The following METTL21A variants were observed in gnomAD, a reference collection of about 807,000 sequenced individuals.
METTL21A encodes the protein methyltransferase 21A, HSPA lysine, also known as protein N-lysine methyltransferase METTL21A.
METTL21A carries 22 observed loss-of-function variants against 20.9 expected under a neutral mutation model. The ratio of observed to expected loss-of-function variants is 1.05; its 90% CI spans 0.75 to 1.50. METTL21A has a LOEUF of 1.50. Ranked by LOEUF, METTL21A falls within the 40% of genes most tolerant of loss-of-function variation. The pLI is 0.00. For missense variants in METTL21A, 271 were observed against 266.8 expected, an observed-to-expected ratio of 1.02 and a Z score of -0.11; for synonymous variants, 93 against 102.0, an observed-to-expected ratio of 0.91 and a Z score of 0.53.
chr2:207,602,405 C>G (rs763117051), intron 3 of METTL21A: 12 of 201,484 alleles, frequency 6.0e-5, no homozygotes, highest in Non-Finnish European at 1.2e-4. Flanking sequence ...TTCTCACCAG[C>G]AAGTAAAAGG....
At chr2:207,606,461 G>A (rs1431554093), downstream of METTL21A, among the ~76,000 whole-genome samples, 2 of 152,188 alleles carry the variant, frequency 1.3e-5, no homozygotes, top group Non-Finnish European at 2.9e-5. Context: ...CAGCCTGGGC[G>A]ACAGAGCAAG....
chr2:207,580,842 G>A (rs2106608609), downstream of METTL21A: 1 of 220,846 alleles, frequency 4.5e-6, no homozygotes, highest in South Asian at 1.8e-4. Context: ...CTGGGTCTAG[G>A]ATCCTGGGCT....
At position 207,624,215 on chromosome 2, in the gene METTL21A, C is replaced by T; in HGVS notation, c.147+14G>A. The T allele has an allele frequency of 1.3e-6, 2 of 1,588,918 alleles. No individual in the cohort carries two copies. Among genetic ancestry groups the T allele is most frequent in the Non-Finnish European group, 1.7e-6 (2 of 1,169,318 alleles). The stretch of plus-strand genomic sequence containing the variant: ...AGTGTGAACGTTTTCAGAGGTCCCC[C>T]AGGGCTTACTTACCGCATCCCAAAC... On this transcript the variant is annotated intron_variant, in intron 2 of 3. Transcript: ENST00000406927.
chr2:207,625,146 G>C (rs2090980290), intron 1 of METTL21A: 1 of 152,314 alleles, frequency 6.6e-6, no homozygotes, highest in African/African-American at 2.4e-5. Context: ...GGGAGACCAG[G>C]CGAGGGGGGT....
intron 3 of METTL21A, among the ~76,000 whole-genome samples, chr2:207,594,396 G>T (rs1253029126): frequency 4.6e-5 from 7 of 151,966 alleles, no homozygotes; most frequent in Non-Finnish European, 7.4e-5. Context: ...CGTTCCCCCA[G>T]CCCCTGGCAG....
intron 1 of METTL21A, chr2:207,624,777 C>G (rs970158687): frequency 6.5e-6 from 1 of 152,702 alleles, no homozygotes; most frequent in Non-Finnish European, 1.5e-5. Flanking sequence ...CAGACCCGGG[C>G]GCCCGGACTG....
downstream of METTL21A, among the ~76,000 whole-genome samples, chr2:207,604,868 T>C (rs993387196): frequency 3.3e-5 from 5 of 152,226 alleles, no homozygotes; most frequent in African/African-American, 1.2e-4. Flanking sequence ...TAATGTGTTG[T>C]TGAGGTTGAT....
downstream of METTL21A, among the ~76,000 whole-genome samples, chr2:207,604,805 C>T (rs368788833): frequency 6.6e-6 from 1 of 152,260 alleles, no homozygotes; most frequent in African/African-American, 2.4e-5. Context: ...GATTTACATC[C>T]GGGTATTTCA....
intron 3 of METTL21A, among the ~76,000 whole-genome samples, chr2:207,592,835 C>A (rs1473240505): frequency 2.7e-5 from 4 of 150,914 alleles, no homozygotes; most frequent in Non-Finnish European, 5.9e-5. Context: ...ATTGCTTGAA[C>A]CTGGGAGGTG....
At chr2:207,592,686 C>A (rs1276296842) in intron 3 of METTL21A, among the ~76,000 whole-genome samples, 1 of 151,166 alleles carries the variant, frequency 6.6e-6, no homozygotes, top group Non-Finnish European at 1.5e-5. Flanking sequence ...TTTGGGAGAC[C>A]AAGGCAGGCG....
chr2:207,603,457 A>G, intron 3 of METTL21A: 1 of 223,982 alleles, frequency 4.5e-6, no homozygotes. Flanking sequence ...TGGGGATGGG[A>G]TCTCTATATT....
At chr2:207,607,970 G>A (rs1004321578), downstream of METTL21A, among the ~76,000 whole-genome samples, 17 of 151,902 alleles carry the variant, frequency 1.1e-4, no homozygotes, top group Admixed American at 7.9e-4. Context: ...ACGCGCGCTC[G>A]CTCTCCTCTC....
chr2:207,614,209 T>C (rs1361043379), intron 3 of METTL21A, among the ~76,000 whole-genome samples: 1 of 152,088 alleles, frequency 6.6e-6, no homozygotes, highest in Non-Finnish European at 1.5e-5. Flanking sequence ...AAGACCAGCC[T>C]GGGTAACACA....
At chr2:207,582,426 A>G (rs1354936180) in intron 3 of METTL21A, among the ~76,000 whole-genome samples, 4 of 152,154 alleles carry the variant, frequency 2.6e-5, no homozygotes, top group African/African-American at 9.7e-5. Flanking sequence ...TCTTCTCCAC[A>G]TTATTTATTT....
chr2:207,587,693 T>C (rs1474569036), intron 3 of METTL21A, among the ~76,000 whole-genome samples: 1 of 152,098 alleles, frequency 6.6e-6, no homozygotes, highest in African/African-American at 2.4e-5. Context: ...AACTCAAACA[T>C]GGAAAGATAA....
At chr2:207,589,087 T>TTAG (rs2084473584) in intron 3 of METTL21A, among the ~76,000 whole-genome samples, 1 of 152,150 alleles carries the variant, frequency 6.6e-6, no homozygotes, top group Non-Finnish European at 1.5e-5. Context: ...AGGGGGTGTA[T>TTAG]TAGTTTTCTA....
chr2:207,611,035 C>T (rs1213800154), downstream of METTL21A: 1 of 1,228 alleles, frequency 8.1e-4, no homozygotes, highest in African/African-American at 1.3e-3. Flanking sequence ...TGCCCGGCCG[C>T]CCCTACTGGA....
chr2:207,615,869 T>G (rs1575129614), intron 3 of METTL21A, among the ~76,000 whole-genome samples: 1 of 151,856 alleles, frequency 6.6e-6, no homozygotes. Flanking sequence ...TAAGGAGAGG[T>G]GGACTGGGAT....
At chr2:207,581,480 C>A (rs182387182), downstream of METTL21A, 3 of 203,154 alleles carry the variant, frequency 1.5e-5, no homozygotes, top group East Asian at 2.3e-4. Context: ...AAAACATGTT[C>A]ATTATAAGTA....
Sources: allele counts gnomAD v4.1 joint callset (sites outside exome capture counted in the v4.1 genomes callset), GRCh38; gene constraint gnomAD v4.1.1; transcripts MANE v1.5; gene names NCBI Gene and HGNC (gene_info 2026-07-23, HGNC 2026-07-21).